The following TRAPPC13 variants were observed in gnomAD, a reference collection of about 807,000 sequenced individuals.
TRAPPC13 encodes trafficking protein particle complex subunit 13.
A neutral mutation model predicts 54.0 loss-of-function variants in TRAPPC13; 39 were observed. The ratio of observed to expected loss-of-function variants is 0.72; its 90% confidence interval spans 0.56 to 0.94. TRAPPC13 has a LOEUF of 0.94. TRAPPC13 is among the 40% of genes least tolerant of loss of function. The probability of loss-of-function intolerance (pLI) is 0.00; values close to 1 mark genes in which losing one functional copy is unlikely to be tolerated. For missense variants in TRAPPC13, 386 were observed against 488.1 expected (o/e 0.79, Z 1.97); for synonymous variants, 148 against 167.7 (o/e 0.88, Z 0.91).
chr5:65,663,225 T>G (rs1488114469), intron 11 of TRAPPC13: 1 of 152,112 alleles, frequency 6.6e-6, no homozygotes, highest in Non-Finnish European at 1.5e-5. Flanking sequence ...CTTCTCTTGG[T>G]GTTCACTTTA....
At chr5:65,636,091 TTA>T in intron 3 of TRAPPC13, 48 bp downstream of exon 3, 1 of 1,301,832 alleles carries the variant, frequency 7.7e-7, no homozygotes, top group Non-Finnish European at 1.1e-6. Context: ...CCATTACAAA[TTA>T]TGTTTTCAAA....
intron 4 of TRAPPC13, among the ~76,000 whole-genome samples, chr5:65,642,788 G>A (rs1216811382): frequency 3.9e-5 from 6 of 152,130 alleles, no homozygotes; most frequent in African/African-American, 1.4e-4. Flanking sequence ...AGCCTCGCGA[G>A]TTGCTGTAAC....
chr5:65,650,060 G>C (rs1209610482), intron 5 of TRAPPC13, among the ~76,000 whole-genome samples: 1 of 149,506 alleles, frequency 6.7e-6, no homozygotes, highest in African/African-American at 2.5e-5. Context: ...GGGTTTCATC[G>C]TGTTAGCCAG....
chr5:65,647,291 G>A, intron 5 of TRAPPC13, 109 bp downstream of exon 5: 1 of 896,540 alleles, frequency 1.1e-6, no homozygotes, highest in Non-Finnish European at 1.6e-6. Flanking sequence ...TACTTCAAAA[G>A]GAATTTTATG....
intron 4 of TRAPPC13, among the ~76,000 whole-genome samples, chr5:65,645,397 A>G (rs1379836890): frequency 6.6e-6 from 1 of 152,204 alleles, no homozygotes. Context: ...AATAGGTACC[A>G]AATAAATGTG....
chr5:65,635,795 G>T, intron 2 of TRAPPC13, 149 bp from the exon 3 acceptor site: 3 of 502,382 alleles, frequency 6.0e-6, no homozygotes, highest in South Asian at 3.9e-5. Context: ...GACATGCTTT[G>T]TTGTATTAAA....
chr5:65,642,044 C>T (rs567897854), intron 4 of TRAPPC13, among the ~76,000 whole-genome samples: 5 of 152,024 alleles, frequency 3.3e-5, no homozygotes, highest in Admixed American at 2.6e-4. Flanking sequence ...TTCTGTTGGC[C>T]GGGTGCAGTG....
At chr5:65,643,837 G>GAA (rs11407179) in intron 4 of TRAPPC13, among the ~76,000 whole-genome samples, 52 of 132,966 alleles carry the variant, frequency 3.9e-4, no homozygotes, top group Non-Finnish European at 4.5e-4. Context: ...AAAAAAGAAA[G>GAA]AAAAAAAAAA....
intron 1 of TRAPPC13, among the ~76,000 whole-genome samples, chr5:65,633,605 CTG>C (rs1365234091): frequency 5.3e-5 from 8 of 152,104 alleles, no homozygotes; most frequent in Middle Eastern, 3.4e-3. Flanking sequence ...AACTAGCCCT[CTG>C]TGATTCATTT....
chr5:65,650,387 C>T (rs1326467667), intron 5 of TRAPPC13, among the ~76,000 whole-genome samples: 1 of 151,986 alleles, frequency 6.6e-6, no homozygotes, highest in Non-Finnish European at 1.5e-5. Context: ...CTCTCGAACT[C>T]CTGACCTCAA....
chr5:65,663,085 A>C (rs1756901037), intron 11 of TRAPPC13: 1 of 152,168 alleles, frequency 6.6e-6, no homozygotes, highest in South Asian at 2.1e-4. Flanking sequence ...AGTAAACAAC[A>C]ATACAGGGCA....
chr5:65,643,160 G>T (rs188410676), intron 4 of TRAPPC13, among the ~76,000 whole-genome samples: 1 of 151,022 alleles, frequency 6.6e-6, no homozygotes, highest in African/African-American at 2.4e-5. Context: ...AGGGGGAAAG[G>T]CTTTTTTTTT....
At chr5:65,655,149 C>T (rs915846431) in intron 7 of TRAPPC13, among the ~76,000 whole-genome samples, 1 of 152,178 alleles carries the variant, frequency 6.6e-6, no homozygotes, top group Non-Finnish European at 1.5e-5. Context: ...GGTTCAGCCC[C>T]ACATTCCCTG....
At chr5:65,625,167 G>A in intron 1 of TRAPPC13, 61 bp downstream of exon 1, 3 of 1,418,278 alleles carry the variant, frequency 2.1e-6, no homozygotes, top group Non-Finnish European at 3.0e-6. Context: ...ACTTATCGAA[G>A]CCTTTGCCAT....
intron 4 of TRAPPC13, among the ~76,000 whole-genome samples, chr5:65,640,406 T>C (rs1476207260): frequency 6.6e-6 from 1 of 152,200 alleles, no homozygotes; most frequent in East Asian, 1.9e-4. Flanking sequence ...AATGTCAGTG[T>C]CCTTAAATAA....
intron 4 of TRAPPC13, among the ~76,000 whole-genome samples, chr5:65,639,168 A>G (rs1392382166): frequency 2.0e-5 from 3 of 152,108 alleles, no homozygotes; most frequent in African/African-American, 7.2e-5. Context: ...ACCCACCCCC[A>G]TGATTCAATT....
Position 65,652,518 on chromosome 5 carries a change from T to A in TRAPPC13, c.519T>A (p.Asp173Glu). The change falls in exon 7 of 13, where the codon GAT (aspartate) becomes GAA (glutamate). Residue 173 changes from aspartate to glutamate, a missense_variant. Coordinates refer to ENST00000399438, the MANE Select transcript of TRAPPC13 (RefSeq NM_024941.4). Reference sequence around the variant, plus strand: ...TTAACCAGGTTCTCAAACCATTGGATGTGAAAACCAAATTTTACAATGCAG... The same window carrying A: ...TTAACCAGGTTCTCAAACCATTGGAAGTGAAAACCAAATTTTACAATGCAG... ...FFKFQVLKPLDVKTKFYNAES... is the reference protein window; with the variant it reads ...FFKFQVLKPLEVKTKFYNAES... 6.2e-7 allele frequency: 1 copy of A among 1,609,822 alleles called. No individual in the cohort carries two copies. The highest frequency in any genetic ancestry group is 8.5e-7 in the Non-Finnish European group (1 of 1,176,562).
chr5:65,625,184 C>G (rs1417537547), intron 1 of TRAPPC13, 78 bp downstream of exon 1: 1 of 1,225,804 alleles, frequency 8.2e-7, no homozygotes, highest in African/African-American at 1.5e-5. Context: ...CCATGTAGGC[C>G]TCATCCTTCT....
chr5:65,629,369 T>A, intron 1 of TRAPPC13: 1 of 862,484 alleles, frequency 1.2e-6, no homozygotes, highest in Non-Finnish European at 1.6e-6. Flanking sequence ...AATACCACAT[T>A]GGGATTGGTT....
Sources: gnomAD v4.1 joint callset for allele counts (sites outside exome capture counted in the v4.1 genomes callset) on GRCh38, gnomAD v4.1.1 for gene constraint, MANE v1.5 for transcripts, NCBI Gene and HGNC (gene_info 2026-07-23, HGNC 2026-07-21) for gene names.